Variants in PDK4 observed in about 807,000 individuals in gnomAD.
PDK4 encodes the protein pyruvate dehydrogenase kinase, isozyme 4.
PDK4 carries 43 observed loss-of-function variants against 51.7 expected under a neutral mutation model. The observed-to-expected ratio is 0.83, with a 90% CI of 0.65 to 1.07. PDK4 has a LOEUF of 1.07. Ranked by LOEUF, PDK4 falls within the 50% of genes least tolerant of loss-of-function variation. PDK4 has a pLI of 0.00. For missense variants in PDK4, 498 were observed against 503.5 expected (o/e 0.99, Z 0.10); for synonymous variants, 170 against 176.6 (o/e 0.96, Z 0.30).
intron 7 of PDK4, among the ~76,000 whole-genome samples, chr7:95,588,145 TC>T (rs972183964): frequency 1.3e-5 from 2 of 152,196 alleles, no homozygotes; most frequent in African/African-American, 4.8e-5. Flanking sequence ...TTCCTAGCTC[TC>T]CCTTTTCTAT....
Position 95,595,122 on chromosome 7 carries a change from C to T in PDK4, c.173G>A (p.Arg58Gln). The change falls in exon 2 of 11, where the codon CGA (arginine) becomes CAA (glutamine). Residue 58 changes from arginine (R) to glutamine (Q), a missense_variant. Transcript: ENST00000005178. ...ACERTSFAFLRQELPVRLANI... is the reference protein window; with the variant it reads ...ACERTSFAFLQQELPVRLANI... Reference sequence around the variant, plus strand: ...GGCGAGTCTCACAGGCAATTCTTGTCGCAAAAATGCAAAAGAAGTTCTTTC... The same window carrying T: ...GGCGAGTCTCACAGGCAATTCTTGTTGCAAAAATGCAAAAGAAGTTCTTTC... 3.1e-6 allele frequency: 5 copies of T among 1,612,724 alleles called. No individual in the cohort carries two copies. The highest frequency in any genetic ancestry group is 4.2e-6 in the Non-Finnish European group (5 of 1,179,080).
chr7:95,587,296 C>G, intron 9 of PDK4, 122 bp downstream of exon 9: 1 of 743,022 alleles, frequency 1.3e-6, no homozygotes, highest in Non-Finnish European at 2.3e-6. Context: ...ATCATTCATT[C>G]TTATATCCTT....
In PDK4 at chr7:95,596,363, T is replaced by C. The variant is rs1791622620; in HGVS notation, c.-70A>G. 5 of 1,458,750 alleles carry C rather than the reference T, an allele frequency of 3.4e-6. No individual in the cohort carries two copies. The highest frequency in any genetic ancestry group is 5.7e-5 in the East Asian group (2 of 34,856). 90.4% of individuals were successfully genotyped at this position (1,458,750 alleles called of 1,614,324 possible). A position where few individuals can be genotyped will look rare whatever the true frequency, so the allele number is the denominator to read the frequency against. On this transcript the variant is annotated 5_prime_UTR_variant, in exon 1 of 11. Transcript: ENST00000005178. ...GGCGAAGGCTGCTCGGAGCAGAGCC[T>C]GGTTCCGAGGGGGCGCGGCGCGTCC...
In PDK4 at chr7:95,589,734, AT is replaced by A; in HGVS notation, c.695-19del. The A allele has an allele frequency of 7.3e-7, 1 of 1,371,720 alleles. No individual in the cohort carries two copies. Among genetic ancestry groups the A allele is most frequent in the Non-Finnish European group, 1.0e-6 (1 of 962,358 alleles). 85.0% of individuals were successfully genotyped at this position (1,371,720 alleles called of 1,614,324 possible). On this transcript the variant is annotated intron_variant, in intron 6 of 10. Coordinates refer to ENST00000005178, the MANE Select transcript of PDK4 (RefSeq NM_002612.4). ...AAATTTTCCTAGAAAAATAAAATTC[AT>A]TAAGAATTTGTAAACAAATACTTCA...
intron 3 of PDK4, among the ~76,000 whole-genome samples, 163 bp downstream of exon 3, chr7:95,593,536 T>C (rs1791577560): frequency 6.6e-6 from 1 of 152,160 alleles, no homozygotes; most frequent in East Asian, 1.9e-4. Context: ...ATGCCATATT[T>C]CTTCGCTTCT....
At chr7:95,595,240 A>T (rs1223150645) in intron 1 of PDK4, 76 bp from the exon 2 acceptor site, 4 of 911,306 alleles carry the variant, frequency 4.4e-6, no homozygotes, top group Non-Finnish European at 6.8e-6. Context: ...TTAACTATCA[A>T]ATATTGAACA....
intron 1 of PDK4, among the ~76,000 whole-genome samples, chr7:95,595,527 G>A (rs1441756613): frequency 6.6e-6 from 1 of 152,158 alleles, no homozygotes; most frequent in East Asian, 1.9e-4. Context: ...TAATGAGTGG[G>A]GACATGGAAT....
chr7:95,595,079 A>G lies in PDK4; in HGVS notation c.216T>C (p.Ile72=). The G allele has an allele frequency of 6.2e-7, 1 of 1,612,758 alleles. No individual in the cohort carries two copies. Among genetic ancestry groups the G allele is most frequent in the African/African-American group, 1.3e-5 (1 of 75,000 alleles). ...TTACTAATTGGGTCGGGAGGATATC[A>G]ATTTCCTTCAGAATGTTGGCGAGTC... ...PVRLANILKE[I]DILPTQLVNT... Residue 72 remains isoleucine, a synonymous_variant, in exon 2 of 11, where the codon ATT becomes ATC. Coordinates refer to ENST00000005178, the MANE Select transcript of PDK4 (RefSeq NM_002612.4).
Position 95,593,745 on chromosome 7 carries a change from C to A in PDK4, c.298G>T (p.Val100Leu), listed in dbSNP as rs769212688. The A allele has an allele frequency of 1.0e-5, 16 of 1,563,604 alleles. No homozygotes were observed. In the South Asian group the frequency reaches 1.8e-4, roughly 17 times the overall value. The stretch of plus-strand genomic sequence containing the variant: ...TCTGGGCTTTTCTCATGGAATTCCA[C>A]CAAATCCATCAGGCTCTGTATATAC... The part of the protein sequence containing the change: ...SWYIQSLMDL[V>L]EFHEKSPDDQ... The change falls in exon 3 of 11, where the codon GTG becomes TTG. Residue 100 changes from valine (V) to leucine (L), a missense_variant. By Grantham distance (32) the Val-to-Leu change is conservative. Coordinates refer to ENST00000005178, the MANE Select transcript of PDK4 (RefSeq NM_002612.4).
Position 95,596,319 on chromosome 7 carries a change from G to C in PDK4, c.-26C>G. 2 of 1,555,100 alleles carry C rather than the reference G, an allele frequency of 1.3e-6. No homozygotes were observed. The highest frequency in any genetic ancestry group is 1.7e-6 in the Non-Finnish European group (2 of 1,151,774). On this transcript the variant is annotated 5_prime_UTR_variant, in exon 1 of 11. Transcript: ENST00000005178. Reference sequence around the variant, plus strand: ...CTTGACGCCCACCCGGCCTGGCGGGGACTGTGGCTGGCTTGAGGGGCGAAG... The same window carrying C: ...CTTGACGCCCACCCGGCCTGGCGGGCACTGTGGCTGGCTTGAGGGGCGAAG...
chr7:95,590,511 C>T (rs1584122662), intron 6 of PDK4, among the ~76,000 whole-genome samples: 2 of 152,128 alleles, frequency 1.3e-5, no homozygotes, highest in African/African-American at 4.8e-5. Context: ...AAGTTCGAAT[C>T]AGAAAACACA....
rs1013566507 is a variant in PDK4, at chr7:95,596,377, C to G, written c.-84G>C. The G allele has an allele frequency of 9.2e-6, 13 of 1,420,190 alleles. No homozygotes were observed. The highest frequency in any genetic ancestry group is 1.0e-5 in the Non-Finnish European group (11 of 1,084,006). The allele number at this position is 1,420,190 out of a possible 1,614,324, so 88.0% of individuals were successfully genotyped here. A position where few individuals can be genotyped will look rare whatever the true frequency, so the allele number is the denominator to read the frequency against. The stretch of plus-strand genomic sequence containing the variant: ...GGAGCAGAGCCTGGTTCCGAGGGGG[C>G]GCGGCGCGTCCGGGCGAGGACTGCA... On this transcript the variant is annotated 5_prime_UTR_variant, in exon 1 of 11. Transcript: ENST00000005178.
intron 3 of PDK4, 64 bp downstream of exon 3, chr7:95,593,635 A>G (rs1791578435): frequency 2.5e-6 from 2 of 792,816 alleles, no homozygotes; most frequent in African/African-American, 1.7e-5. Flanking sequence ...GTCTAAAAAT[A>G]TCTTAGGAAT....
At chr7:95,593,495 C>A (rs1458319701) in intron 3 of PDK4, among the ~76,000 whole-genome samples, 2 of 152,122 alleles carry the variant, frequency 1.3e-5, no homozygotes, top group Non-Finnish European at 2.9e-5. Context: ...AATGAGTCCT[C>A]TACATTTCTT....
chr7:95,586,898 C>A (rs1335035626), intron 10 of PDK4, 112 bp downstream of exon 10: 2 of 628,164 alleles, frequency 3.2e-6, no homozygotes, highest in East Asian at 2.7e-5. Context: ...GACCTGTAGT[C>A]ATTATTTGCA....
In PDK4 at chr7:95,584,976, T is replaced by G. The variant is rs1010719400; in HGVS notation, c.*665A>C. ...AAAGCAGCATAATAAAGGAGCTGTG[T>G]TTTTATCAGAGGAGCCTTCCTTCTG... is the stretch of plus-strand genomic sequence containing the variant. On this transcript the variant is annotated 3_prime_UTR_variant, in exon 11 of 11. Coordinates refer to ENST00000005178, the MANE Select transcript of PDK4 (RefSeq NM_002612.4). 6.6e-6 allele frequency: 1 copy of G among 152,582 alleles called. No homozygotes were observed. The highest frequency in any genetic ancestry group is 1.5e-5 in the Non-Finnish European group (1 of 68,036). The allele number at this position is 152,582 out of a possible 1,614,324, so 9.5% of individuals were successfully genotyped here.
In PDK4 at chr7:95,591,940, G is replaced by C. The variant is rs752936020; in HGVS notation, c.694+48C>G. 9.5e-6 allele frequency: 9 copies of C among 950,986 alleles called. No individual in the cohort carries two copies. The South Asian group carries it at 1.2e-4, about 13-fold the overall frequency. 58.9% of individuals were successfully genotyped at this position (950,986 alleles called of 1,614,324 possible). On this transcript the variant is annotated intron_variant, in intron 6 of 10. Transcript: ENST00000005178. ...TTTACAAAAAGCAATAATATTAGGA[G>C]AACACAGAATTTTCCACAGGTTAAA...
Position 95,596,382 on chromosome 7 carries a change from C to A in PDK4, c.-89G>T, listed in dbSNP as rs2116722720. 2.9e-6 allele frequency: 4 copies of A among 1,401,688 alleles called. No individual in the cohort carries two copies. In the South Asian group the frequency reaches 5.9e-5, roughly 21 times the overall value. 86.8% of individuals were successfully genotyped at this position (1,401,688 alleles called of 1,614,324 possible). A position where few individuals can be genotyped will look rare whatever the true frequency, so the allele number is the denominator to read the frequency against. On this transcript the variant is annotated 5_prime_UTR_variant, in exon 1 of 11. Coordinates refer to ENST00000005178, the MANE Select transcript of PDK4 (RefSeq NM_002612.4). ...AGAGCCTGGTTCCGAGGGGGCGCGG[C>A]GCGTCCGGGCGAGGACTGCAGGTGC...
chr7:95,588,973 T>C (rs566633848), intron 7 of PDK4, among the ~76,000 whole-genome samples: 1 of 152,356 alleles, frequency 6.6e-6, no homozygotes. Context: ...CTGCAGGCGA[T>C]TCTAATGCAT....
Sources: allele counts gnomAD v4.1 joint callset (sites outside exome capture counted in the v4.1 genomes callset), GRCh38; gene constraint gnomAD v4.1.1; transcripts MANE v1.5; gene names NCBI Gene and HGNC (gene_info 2026-07-23, HGNC 2026-07-21).